Variants in ADGRA2 observed in about 807,000 individuals in gnomAD.
ADGRA2 encodes the protein adhesion G protein-coupled receptor A2.
A neutral mutation model predicts 98.7 loss-of-function variants in ADGRA2; 61 were observed. The ratio of observed to expected loss-of-function variants is 0.62; its 90% CI spans 0.50 to 0.76. The LOEUF (loss-of-function observed/expected upper bound fraction) is 0.76. ADGRA2 is among the 30% of genes least tolerant of loss of function. The pLI is 0.00. For missense variants in ADGRA2, 1,712 were observed against 1,860.0 expected, an observed-to-expected ratio of 0.92 and a Z score of 1.46; for synonymous variants, 858 against 831.5, an observed-to-expected ratio of 1.03 and a Z score of -0.55.
intron 2 of ADGRA2, among the ~76,000 whole-genome samples, chr8:37,818,235 C>T (rs1166501401): frequency 6.6e-6 from 1 of 152,160 alleles, no homozygotes; most frequent in Non-Finnish European, 1.5e-5. Flanking sequence ...CCCTCTCAGG[C>T]TGGCACCTCC....
intron 2 of ADGRA2, among the ~76,000 whole-genome samples, chr8:37,815,289 C>T (rs1198579812): frequency 2.0e-5 from 3 of 152,264 alleles, no homozygotes; most frequent in Non-Finnish European, 2.9e-5. Flanking sequence ...CCCCTCGCAG[C>T]TGGGGGCCCA....
intron 1 of ADGRA2, among the ~76,000 whole-genome samples, chr8:37,804,152 C>CACACAT (rs67544121): frequency 2.0e-5 from 3 of 149,828 alleles, no homozygotes; most frequent in Non-Finnish European, 4.4e-5. Flanking sequence ...CACACACACA[C>CACACAT]GGCTCTTAGC....
rs79766936 is a variant in ADGRA2, at chr8:37,815,188, C to T, written c.338+221C>T. On this transcript the variant is annotated intron_variant, in intron 2 of 18. Coordinates refer to ENST00000412232, the MANE Select transcript of ADGRA2 (RefSeq NM_032777.10). ...GAGAGACCAGCTCCTCTGCCAGCCA[C>T]GGCGAGAGAAGTGGGGAGCGGGTTC... Among the ~76,000 whole-genome samples the T allele has an allele frequency of 9.2e-3, 1,408 of 152,276 alleles. 19 individuals are homozygous for T. Among genetic ancestry groups the T allele is most frequent in the African/African-American group, 0.032 (1,317 of 41,550 alleles).
Position 37,832,823 on chromosome 8 carries a change from C to T in ADGRA2, c.1098-187C>T, listed in dbSNP as rs545820195. 3.9e-5 allele frequency among the ~76,000 whole-genome samples: 6 copies of T among 152,278 alleles called. No homozygotes were observed. The South Asian group carries it at 6.2e-4, about 16-fold the overall frequency. Reference sequence around the variant, plus strand: ...AGAACTCTGAAGTCCAGCCCCCTATCGCCTGTGATAGCCCGGTCAGAACAA... The same window carrying T: ...AGAACTCTGAAGTCCAGCCCCCTATTGCCTGTGATAGCCCGGTCAGAACAA... On this transcript the variant is annotated intron_variant, in intron 8 of 18. Coordinates refer to ENST00000412232, the MANE Select transcript of ADGRA2 (RefSeq NM_032777.10).
chr8:37,817,132 G>A (rs950357406), intron 2 of ADGRA2, among the ~76,000 whole-genome samples: 14 of 152,080 alleles, frequency 9.2e-5, no homozygotes, highest in Non-Finnish European at 1.6e-4. Flanking sequence ...CCATTCCACC[G>A]TGGAAGGGAA....
Position 37,797,193 on chromosome 8 carries a change from T to C in ADGRA2, c.-76T>C. On this transcript the variant is annotated 5_prime_UTR_variant, in exon 1 of 19. Transcript: ENST00000412232. The surrounding 1 kb of genome is among the most constrained non-coding windows in gnomAD (Gnocchi z 5.3). ...GCCCCGGGCCCCCGCTGAGCACTCCTCCCGCACGCCTGGGTCCCTCCGGCC... is the reference window on the plus strand; with the variant it reads ...GCCCCGGGCCCCCGCTGAGCACTCCCCCCGCACGCCTGGGTCCCTCCGGCC... 1 of 1,129,650 alleles carries C rather than the reference T, an allele frequency of 8.9e-7. No individual in the cohort carries two copies. 70.0% of individuals were successfully genotyped at this position (1,129,650 alleles called of 1,614,324 possible).
At chr8:37,799,567 TTAGAA>T (rs980915218) in intron 1 of ADGRA2, among the ~76,000 whole-genome samples, 1 of 152,104 alleles carries the variant, frequency 6.6e-6, no homozygotes, top group African/African-American at 2.4e-5. Flanking sequence ...GCAGTACATC[TTAGAA>T]TGATCAGGCC....
At chr8:37,816,595 C>T (rs112078330) in intron 2 of ADGRA2, among the ~76,000 whole-genome samples, 1 of 77,644 alleles carries the variant, frequency 1.3e-5, no homozygotes, top group Non-Finnish European at 2.8e-5. Flanking sequence ...CCGTCTCAAA[C>T]ACACACACAC....
intron 1 of ADGRA2, among the ~76,000 whole-genome samples, chr8:37,810,190 C>T (rs978905479): frequency 2.6e-5 from 4 of 151,198 alleles, no homozygotes; most frequent in South Asian, 2.1e-4. Context: ...TATATATATA[C>T]ACACACACAC....
At chr8:37,816,197 G>A (rs1804976636) in intron 2 of ADGRA2, among the ~76,000 whole-genome samples, 1 of 150,284 alleles carries the variant, frequency 6.7e-6, no homozygotes, top group Non-Finnish European at 1.5e-5. Flanking sequence ...GGCCGAGGCT[G>A]GAGGACGGCT....
chr8:37,839,403 A>T, intron 15 of ADGRA2, 96 bp from the exon 16 acceptor site: 1 of 1,546,092 alleles, frequency 6.5e-7, no homozygotes, highest in Non-Finnish European at 8.7e-7. Flanking sequence ...ACACGCAGAT[A>T]TGTGCCTGCC....
At chr8:37,799,403 G>C (rs1804434853) in intron 1 of ADGRA2, among the ~76,000 whole-genome samples, 1 of 151,726 alleles carries the variant, frequency 6.6e-6, no homozygotes, top group Non-Finnish European at 1.5e-5. Flanking sequence ...ATTCAGAGCT[G>C]AGAGCTGTGC....
In ADGRA2 at chr8:37,797,659, GGGTT is replaced by G; in HGVS notation, c.266+126_266+129del. ...ACTTCAGAGATTTCTGGACAGGCCT[GGGTT>G]CAGGCCCCCAGAGGGGAAGATTGGA... is the stretch of plus-strand genomic sequence containing the variant. On this transcript the variant is annotated intron_variant, in intron 1 of 18. Coordinates refer to ENST00000412232, the MANE Select transcript of ADGRA2 (RefSeq NM_032777.10). The surrounding 1 kb of genome is among the most constrained non-coding windows in gnomAD (Gnocchi z 5.3). The G allele has an allele frequency of 2.1e-6, 2 of 967,162 alleles. No homozygotes were observed. The highest frequency in any genetic ancestry group is 2.7e-6 in the Non-Finnish European group (2 of 730,746). 59.9% of individuals were successfully genotyped at this position (967,162 alleles called of 1,614,324 possible).
At chr8:37,798,402 G>T (rs898133303) in intron 1 of ADGRA2, among the ~76,000 whole-genome samples, 6 of 152,170 alleles carry the variant, frequency 3.9e-5, no homozygotes, top group Non-Finnish European at 8.8e-5. Flanking sequence ...CCTTTGCTTT[G>T]CTGGCAGCGA....
At chr8:37,804,855 A>C (rs544746353) in intron 1 of ADGRA2, among the ~76,000 whole-genome samples, 1 of 152,366 alleles carries the variant, frequency 6.6e-6, no homozygotes, top group South Asian at 2.1e-4. Flanking sequence ...ATGGCCTAAC[A>C]AGTACAAGCG....
intron 1 of ADGRA2, among the ~76,000 whole-genome samples, chr8:37,806,266 G>T (rs1804655411): frequency 6.6e-6 from 1 of 152,184 alleles, no homozygotes; most frequent in East Asian, 1.9e-4. Flanking sequence ...AAGGCTGAGT[G>T]CACAGTGGCT....
At position 37,828,871 on chromosome 8, in the gene ADGRA2, T is replaced by C; in HGVS notation, c.339-17T>C. The C allele has an allele frequency of 6.3e-7, 1 of 1,593,664 alleles. No individual in the cohort carries two copies. Among genetic ancestry groups the C allele is most frequent in the Non-Finnish European group, 8.5e-7 (1 of 1,170,958 alleles). On this transcript the variant is annotated splice_polypyrimidine_tract_variant and intron_variant, in intron 2 of 18. Transcript: ENST00000412232. ...CAGCGGGGAGAGGTGTGAGGGCCTC[T>C]GCACTTGCCTCTGCAGGGACCTGAG...
At chr8:37,807,997 C>T (rs1232004905) in intron 1 of ADGRA2, among the ~76,000 whole-genome samples, 1 of 152,166 alleles carries the variant, frequency 6.6e-6, no homozygotes, top group African/African-American at 2.4e-5. Flanking sequence ...TGCGGCTGCC[C>T]AGAGCCCACA....
chr8:37,833,349 G>A lies in ADGRA2; in HGVS notation c.1296+141G>A, dbSNP rs73673891. 4,330 of 714,296 alleles carry A rather than the reference G, an allele frequency of 6.1e-3. 137 individuals carry two copies. The African/African-American group carries it at 0.065, about 11-fold the overall frequency. The allele number at this position is 714,296 out of a possible 1,614,324, so 44.2% of individuals were successfully genotyped here. ...TCCTGCCTGTGCAGAGCCAGGAGCC[G>A]GCTCCTCTCCTCCAGCCGCCCTCTG... On this transcript the variant is annotated intron_variant, in intron 9 of 18. Coordinates refer to ENST00000412232, the MANE Select transcript of ADGRA2 (RefSeq NM_032777.10).
Sources: allele counts gnomAD v4.1 joint callset (sites outside exome capture counted in the v4.1 genomes callset), GRCh38; gene constraint gnomAD v4.1.1; non-coding constraint Gnocchi (gnomAD v3.1); transcripts MANE v1.5; gene names NCBI Gene and HGNC (gene_info 2026-07-23, HGNC 2026-07-21).